The following KIF1A variants were observed in gnomAD, a reference collection of about 807,000 sequenced individuals.
KIF1A encodes kinesin family member 1A.
Under a neutral mutation model 227.3 loss-of-function variants are expected in KIF1A, and 46 were observed. The ratio of observed to expected loss-of-function variants is 0.20; its 90% confidence interval spans 0.16 to 0.26. The LOEUF is 0.26. Ranked by LOEUF, KIF1A falls within the 10% of genes least tolerant of loss-of-function variation. The probability of loss-of-function intolerance (pLI) is 1.00; values close to 1 mark genes in which losing one functional copy is unlikely to be tolerated. For synonymous variants in KIF1A, 1,022 were observed against 1,012.8 expected (o/e 1.01, Z -0.17); for missense variants, 1,683 against 2,485.9 (o/e 0.68, Z 6.87).
Position 240,761,282 on chromosome 2 carries a change from T to C in KIF1A, c.2212A>G (p.Asn738Asp), listed in dbSNP as rs1293597764. The C allele has an allele frequency of 1.2e-5, 19 of 1,613,924 alleles. No individual in the cohort carries two copies. The highest frequency in any genetic ancestry group is 1.6e-5 in the Non-Finnish European group (19 of 1,179,860). Residue 738 changes from asparagine to aspartate, a missense_variant, in exon 24 of 49, where the codon AAC becomes GAC. By Grantham distance (23) the Asn-to-Asp change is conservative (BLOSUM62 1). Transcript: ENST00000498729. ...FTSLRDLLWGNAIFLKEANAI... is the reference protein window; with the variant it reads ...FTSLRDLLWGDAIFLKEANAI... ...TTGGCCTCCTTGAGGAAGATGGCGT[T>C]GCCCCACAGCAGGTCCCGCAGAGAC... is the stretch of plus-strand genomic sequence containing the variant.
At chr2:240,799,205 G>C (rs958874356) in intron 1 of KIF1A, among the ~76,000 whole-genome samples, 2 of 151,984 alleles carry the variant, frequency 1.3e-5, no homozygotes, top group African/African-American at 4.8e-5. Context: ...AGAAGGAAAG[G>C]GGGCACAGCG....
chr2:240,758,292 C>T lies in KIF1A; in HGVS notation c.2582+68G>A. 1 of 1,549,120 alleles carries T rather than the reference C, an allele frequency of 6.5e-7. No homozygotes were observed. ...GCTCCTTGTATCAGGCCAGGGCCCA[C>T]TCCTACCCCCACTGCCATCTCTCTC... On this transcript the variant is annotated intron_variant, in intron 26 of 48. Coordinates refer to ENST00000498729, the MANE Select transcript of KIF1A (RefSeq NM_001244008.2). The surrounding 1 kb of genome is among the most constrained non-coding windows in gnomAD (Gnocchi z 5.2).
At chr2:240,745,657 C>G in intron 31 of KIF1A, 81 bp downstream of exon 31, 2 of 1,545,226 alleles carry the variant, frequency 1.3e-6, no homozygotes, top group Non-Finnish European at 1.8e-6. Flanking sequence ...ATGGCCTGCT[C>G]CCTGCCCAGC....
intron 27 of KIF1A, among the ~76,000 whole-genome samples, chr2:240,755,870 C>T (rs772921022): frequency 3.3e-5 from 5 of 152,052 alleles, no homozygotes; most frequent in Non-Finnish European, 5.9e-5. Context: ...CCCTACGGCC[C>T]GGGGCTTTCT....
rs546097454 is a variant in KIF1A at position 240,743,415 on chromosome 2, C to T, written c.3585-431G>A. ...TGCACTCGAGGTGCCCAGGAGGGGT[C>T]GGCTTGGCCCAGGGTAGACACTCCT... On this transcript the variant is annotated intron_variant, in intron 33 of 48. Coordinates refer to ENST00000498729, the MANE Select transcript of KIF1A (RefSeq NM_001244008.2). 3.2e-4 allele frequency among the ~76,000 whole-genome samples: 48 copies of T among 152,318 alleles called. No individual in the cohort carries two copies. In the East Asian group the frequency reaches 5.2e-3, roughly 17 times the overall value.
chr2:240,762,626 CTGACCAG>C, intron 23 of KIF1A, 86 bp downstream of exon 23: 1 of 1,396,444 alleles, frequency 7.2e-7, no homozygotes. Context: ...GGCAAAAGTG[CTGACCAG>C]TGACCTCCAG....
intron 10 of KIF1A, among the ~76,000 whole-genome samples, chr2:240,777,401 A>G (rs1456242264): frequency 6.6e-6 from 1 of 152,116 alleles, no homozygotes; most frequent in Non-Finnish European, 1.5e-5. Context: ...TATGTGTCAC[A>G]TTCCTTGCTT....
At chr2:240,760,902 CAAAA>C in intron 24 of KIF1A, 59 bp from the exon 25 acceptor site, 1 of 1,494,092 alleles carries the variant, frequency 6.7e-7, no homozygotes, top group South Asian at 1.3e-5. Flanking sequence ...GCCAGGTCCC[CAAAA>C]AGGCTTCCTT....
Position 240,718,178 on chromosome 2 carries a change from G to C in KIF1A, c.5215-10C>G. 6.3e-7 allele frequency: 1 copy of C among 1,577,190 alleles called. No homozygotes were observed. The highest frequency in any genetic ancestry group is 8.6e-7 in the Non-Finnish European group (1 of 1,157,796). On this transcript the variant is annotated splice_polypyrimidine_tract_variant and intron_variant, in intron 47 of 48. Transcript: ENST00000498729. ...CGAATGTGTTGGGTGTCTGCAGAGG[G>C]AGGCAGCTGGTGAGGAGGTGCCAGG...
chr2:240,721,126 C>T (rs2045322710), intron 44 of KIF1A, 88 bp from the exon 45 acceptor site: 3 of 1,529,252 alleles, frequency 2.0e-6, no homozygotes, highest in Non-Finnish European at 2.7e-6. Context: ...GCGCTTACCC[C>T]ACACCTGCTG....
At chr2:240,720,819 C>T (rs2125584372) in intron 45 of KIF1A, 95 bp downstream of exon 45, 2 of 1,406,754 alleles carry the variant, frequency 1.4e-6, no homozygotes, top group Non-Finnish European at 1.9e-6. Context: ...GCCATTGGGG[C>T]CCCCTGTTCT....
rs1444327081 is a variant in KIF1A at position 240,757,653 on chromosome 2, A to AGGGGCC, written c.2583-65_2583-60dup. 15 of 1,450,612 alleles carry AGGGGCC rather than the reference A, an allele frequency of 1.0e-5. No individual in the cohort carries two copies. In the Admixed American group the frequency reaches 1.0e-4, roughly 10 times the overall value. 89.9% of individuals were successfully genotyped at this position (1,450,612 alleles called of 1,614,324 possible). ...ACACCAGCGACTCGCAGGGACGAAC[A>AGGGGCC]GGGGCCGGGGCCGGGGCTGGGGGGC... On this transcript the variant is annotated intron_variant, in intron 26 of 48. Transcript: ENST00000498729. This position sits in a 1 kb window ranked among gnomAD's most constrained non-coding sequence, Gnocchi z 6.2.
chr2:240,779,089 GTTCCTCACTCAC>G (rs1054158897), intron 10 of KIF1A, among the ~76,000 whole-genome samples: 1 of 148,558 alleles, frequency 6.7e-6, no homozygotes, highest in Non-Finnish European at 1.5e-5. Context: ...TCCACACTCA[GTTCCTCACTCAC>G]TTCCTCACTC....
rs1180434217 is a variant in KIF1A, at chr2:240,717,515, T to C, written c.5334-109A>G. On this transcript the variant is annotated intron_variant, in intron 48 of 48. Transcript: ENST00000498729. ...CCGTGAGGGGCAGCCACAGACCCCATGTCCCCGCTGGTTCCCTCACCACCT... is the reference window on the plus strand; with the variant it reads ...CCGTGAGGGGCAGCCACAGACCCCACGTCCCCGCTGGTTCCCTCACCACCT... The C allele has an allele frequency of 1.3e-5, 12 of 959,896 alleles. No individual in the cohort carries two copies. In the South Asian group the frequency reaches 1.7e-4, roughly 14 times the overall value. The allele number at this position is 959,896 out of a possible 1,614,324, so 59.5% of individuals were successfully genotyped here.
chr2:240,784,984 C>G lies in KIF1A; in HGVS notation c.720+5G>C, dbSNP rs377502239. On this transcript the variant is annotated splice_donor_5th_base_variant and intron_variant, in intron 7 of 48. Coordinates refer to ENST00000498729, the MANE Select transcript of KIF1A (RefSeq NM_001244008.2). ...GTGGCACCGCCTGTGAGGCCACTCA[C>G]TCACCTTCTCCGTGGTGATATTGGT... 8.7e-6 allele frequency: 14 copies of G among 1,611,166 alleles called. No individual in the cohort carries two copies. The highest frequency in any genetic ancestry group is 1.2e-5 in the Non-Finnish European group (14 of 1,177,830).
intron 10 of KIF1A, chr2:240,782,078 G>T: frequency 1.0e-6 from 1 of 985,316 alleles, no homozygotes; most frequent in Non-Finnish European, 1.2e-6. Context: ...ACGCTTTCAC[G>T]GCTGCCCACG....
chr2:240,750,174 AG>A (rs2049047871), intron 28 of KIF1A, among the ~76,000 whole-genome samples: 1 of 152,166 alleles, frequency 6.6e-6, no homozygotes, highest in South Asian at 2.1e-4. Context: ...GGGAGTCCAG[AG>A]CCAAGAGCTG....
Position 240,758,221 on chromosome 2 carries a change from A to T in KIF1A, c.2582+139T>A. Reference sequence around the variant, plus strand: ...GGCTGGGAGGAACCTCAGGCCAGGGAGGACAGGGCTGGGAATATGGGGCTG... The same window carrying T: ...GGCTGGGAGGAACCTCAGGCCAGGGTGGACAGGGCTGGGAATATGGGGCTG... On this transcript the variant is annotated intron_variant, in intron 26 of 48. Coordinates refer to ENST00000498729, the MANE Select transcript of KIF1A (RefSeq NM_001244008.2). This position sits in a 1 kb window ranked among gnomAD's most constrained non-coding sequence, Gnocchi z 5.2. The T allele has an allele frequency of 1.1e-6, 1 of 927,882 alleles. No individual in the cohort carries two copies. Among genetic ancestry groups the T allele is most frequent in the East Asian group, 2.8e-5 (1 of 35,650 alleles). 57.5% of individuals were successfully genotyped at this position (927,882 alleles called of 1,614,324 possible). A position where few individuals can be genotyped will look rare whatever the true frequency, so the allele number is the denominator to read the frequency against.
Position 240,763,296 on chromosome 2 carries a change from C to G in KIF1A, c.1819G>C (p.Glu607Gln). ...KSHVFRFNHPEQARQERERTP... is the reference protein window; with the variant it reads ...KSHVFRFNHPQQARQERERTP... ...CGCTCACGCTCCTGCCGGGCCTGCT[C>G]GGGGTGGTTGAACCGGAACACATGG... is the stretch of plus-strand genomic sequence containing the variant. The change falls in exon 21 of 49, where the codon GAG becomes CAG. Residue 607 changes from glutamate to glutamine, a missense_variant. Coordinates refer to ENST00000498729, the MANE Select transcript of KIF1A (RefSeq NM_001244008.2). 6.2e-7 allele frequency: 1 copy of G among 1,603,132 alleles called. No homozygotes were observed. Among genetic ancestry groups the G allele is most frequent in the Non-Finnish European group, 8.5e-7 (1 of 1,175,130 alleles).
Sources: gnomAD v4.1 joint callset for allele counts (sites outside exome capture counted in the v4.1 genomes callset) on GRCh38, gnomAD v4.1.1 for gene constraint, Gnocchi (gnomAD v3.1) non-coding constraint, MANE v1.5 for transcripts, NCBI Gene and HGNC (gene_info 2026-07-23, HGNC 2026-07-21) for gene names.